The following CLYBL variants were observed in gnomAD, a reference collection of about 807,000 sequenced individuals.
The protein encoded by CLYBL is citramalyl-CoA lyase, also known as citramalyl-CoA lyase, mitochondrial.
A neutral mutation model predicts 38.9 loss-of-function variants in CLYBL; 31 were observed. The observed-to-expected ratio is 0.80, with a 90% CI of 0.60 to 1.08. The LOEUF (loss-of-function observed/expected upper bound fraction) is 1.08, where lower values mean the gene tolerates loss of function less well. CLYBL is among the 50% of genes least tolerant of loss of function. The pLI is 0.00. For missense variants in CLYBL, 434 were observed against 411.6 expected (o/e 1.05, Z -0.47); for synonymous variants, 171 against 158.6 (o/e 1.08, Z -0.59).
intron 1 of CLYBL, among the ~76,000 whole-genome samples, chr13:99,722,574 T>C (rs1329681949): frequency 6.6e-6 from 1 of 152,206 alleles, no homozygotes; most frequent in Non-Finnish European, 1.5e-5. Context: ...GATGAATGAA[T>C]GAGTGAATGA....
chr13:99,757,656 A>C lies in CLYBL; in HGVS notation c.63-15168A>C, dbSNP rs138610023. ...GTATTTTTAGTAGAGTCAGGGTTTC[A>C]CCATGTTGGCCAGGCAGGTCTCAAA... is the stretch of plus-strand genomic sequence containing the variant. On this transcript the variant is annotated intron_variant, in intron 1 of 8. Transcript: ENST00000339105. Among the ~76,000 whole-genome samples the C allele has an allele frequency of 5.3e-3, 813 of 152,154 alleles. 5 individuals are homozygous for C. The highest frequency in any genetic ancestry group is 0.018 in the African/African-American group (761 of 41,514).
At position 99,606,726 on chromosome 13, in the gene CLYBL, C is replaced by CGCGGAGCTGCGGCG. The variant is rs1566586144; in HGVS notation, c.36_49dup (p.Ala17GlufsTer8). The CGCGGAGCTGCGGCG allele has an allele frequency of 2.0e-6, 3 of 1,490,242 alleles. No homozygotes were observed. Among genetic ancestry groups the CGCGGAGCTGCGGCG allele is most frequent in the Non-Finnish European group, 1.8e-6 (2 of 1,126,372 alleles). The allele number at this position is 1,490,242 out of a possible 1,614,324, so 92.3% of individuals were successfully genotyped here. Reference sequence around the variant, plus strand: ...GCTACGTCTGCTGCGGAGGGCGGCGCGCGGAGCTGCGGCGGCGGCGCTGCT... The same window carrying CGCGGAGCTGCGGCG: ...GCTACGTCTGCTGCGGAGGGCGGCGCGCGGAGCTGCGGCGGCGGAGCTGCGGCGGCGGCGCTGCT... On this transcript the variant is annotated frameshift_variant, in exon 1 of 9. Coordinates refer to ENST00000339105, the MANE Select transcript of CLYBL (RefSeq NM_206808.5). LOFTEE classifies it high-confidence loss of function.
At chr13:99,686,980 CTG>C (rs1278287338) in intron 1 of CLYBL, among the ~76,000 whole-genome samples, 1 of 152,168 alleles carries the variant, frequency 6.6e-6, no homozygotes, top group Non-Finnish European at 1.5e-5. Flanking sequence ...CTTTTTATAA[CTG>C]TAACTTCTTA....
chr13:99,615,578 A>G (rs1479522115), intron 1 of CLYBL, among the ~76,000 whole-genome samples: 1 of 152,262 alleles, frequency 6.6e-6, no homozygotes, highest in African/African-American at 2.4e-5. Context: ...TAGGCAATAA[A>G]TAAGAAATCA....
chr13:99,709,693 G>A (rs574372844), intron 1 of CLYBL, among the ~76,000 whole-genome samples: 1 of 152,216 alleles, frequency 6.6e-6, no homozygotes, highest in South Asian at 2.1e-4. Flanking sequence ...CTTTGAAAGA[G>A]TGTAACCCCT....
rs3783185 is a variant in CLYBL, at chr13:99,866,326, A to G, written c.721A>G (p.Ile241Val). 0.72 allele frequency: 1,169,846 copies of G among 1,613,754 alleles called. 426,831 individuals carry two copies. The highest frequency in any genetic ancestry group is 0.89 in the East Asian group (39,750 of 44,862). The change falls in exon 6 of 9, where the codon ATA becomes GTA. Residue 241 changes from isoleucine (I) to valine (V), a missense_variant. Physicochemically the swap from Ile to Val is conservative, Grantham distance 29. Transcript: ENST00000339105. The stretch of plus-strand genomic sequence containing the variant: ...AGCGAAAGCCTTTGGTCTCCAAGCC[A>G]TAGATCTGGTGTACATTGACTTTCG... ...VIAKAFGLQAIDLVYIDFRDG... is the reference protein window; with the variant it reads ...VIAKAFGLQAVDLVYIDFRDG...
At chr13:99,905,107 A>G (rs2052683036) in intron 8 of CLYBL, among the ~76,000 whole-genome samples, 1 of 152,136 alleles carries the variant, frequency 6.6e-6, no homozygotes, top group South Asian at 2.1e-4. Context: ...GTCCTAGGCC[A>G]TTCTCTCCAG....
intron 7 of CLYBL, 76 bp downstream of exon 7, chr13:99,871,138 G>GTGAA (rs769331810): frequency 1.9e-5 from 29 of 1,512,990 alleles, no homozygotes; most frequent in Non-Finnish European, 2.7e-5. Flanking sequence ...AATATGTTGT[G>GTGAA]TGAATGGTTT....
chr13:99,697,863 G>A (rs137936867), intron 1 of CLYBL, among the ~76,000 whole-genome samples: 3 of 151,958 alleles, frequency 2.0e-5, no homozygotes, highest in African/African-American at 7.2e-5. Flanking sequence ...GGCCAGGCTG[G>A]TCTCGAACTC....
intron 1 of CLYBL, among the ~76,000 whole-genome samples, chr13:99,708,662 G>A (rs1429680232): frequency 6.6e-6 from 1 of 152,204 alleles, no homozygotes; most frequent in African/African-American, 2.4e-5. Context: ...CACACAGTAA[G>A]AGCCCAGTAA....
rs139384025 is a variant in CLYBL, at chr13:99,637,341, G to A, written c.62+30584G>A. ...TCCATGAAAACCCATCTCTGGAGGTGTATCAATCAGTGTTATCACTGCCCT... is the reference window on the plus strand; with the variant it reads ...TCCATGAAAACCCATCTCTGGAGGTATATCAATCAGTGTTATCACTGCCCT... On this transcript the variant is annotated intron_variant, in intron 1 of 8. Transcript: ENST00000339105. 6.6e-5 allele frequency among the ~76,000 whole-genome samples: 10 copies of A among 152,328 alleles called. No homozygotes were observed. The East Asian group carries it at 1.9e-3, about 29-fold the overall frequency.
At chr13:99,760,838 C>T (rs1171235927) in intron 1 of CLYBL, among the ~76,000 whole-genome samples, 1 of 152,200 alleles carries the variant, frequency 6.6e-6, no homozygotes, top group African/African-American at 2.4e-5. Context: ...ATATCTGTCA[C>T]TTTAAATATT....
intron 1 of CLYBL, among the ~76,000 whole-genome samples, chr13:99,709,923 C>CTTTT (rs373484721): frequency 8.6e-4 from 95 of 110,460 alleles, no homozygotes; most frequent in Admixed American, 1.3e-3. Context: ...TTCTTTCTTT[C>CTTTT]TTTTTTTTTT....
At chr13:99,880,069 T>TA (rs376889710) in intron 7 of CLYBL, among the ~76,000 whole-genome samples, 3,835 of 57,228 alleles carry the variant, frequency 0.067, 66 homozygotes, top group African/African-American at 0.21. Context: ...TATATATATA[T>TA]TTTTTTTTTT....
chr13:99,887,016 C>G (rs74113457), intron 7 of CLYBL, among the ~76,000 whole-genome samples: 7,637 of 152,250 alleles, frequency 0.05, 592 homozygotes, highest in African/African-American at 0.17. Context: ...CTTGGGGATG[C>G]CTTACAAGAG....
chr13:99,649,369 A>AGT (rs2139295804), intron 1 of CLYBL, among the ~76,000 whole-genome samples: 1 of 152,320 alleles, frequency 6.6e-6, no homozygotes, highest in East Asian at 1.9e-4. Context: ...CCCATTTTTC[A>AGT]TATACTGGTG....
chr13:99,679,183 A>G (rs923424268), intron 1 of CLYBL, among the ~76,000 whole-genome samples: 2 of 151,790 alleles, frequency 1.3e-5, no homozygotes, highest in Non-Finnish European at 2.9e-5. Flanking sequence ...GGTCCCAGCT[A>G]CTTGGGAGGC....
chr13:99,765,540 C>G (rs1425664092), intron 1 of CLYBL, among the ~76,000 whole-genome samples: 1 of 152,032 alleles, frequency 6.6e-6, no homozygotes, highest in African/African-American at 2.4e-5. Flanking sequence ...TATTGAACCT[C>G]AATAATTCTT....
chr13:99,734,580 C>T (rs1037013816), intron 1 of CLYBL, among the ~76,000 whole-genome samples: 1 of 152,130 alleles, frequency 6.6e-6, no homozygotes, highest in Non-Finnish European at 1.5e-5. Context: ...GGCCCATACA[C>T]GGGGCTGGGA....
Sources: allele counts gnomAD v4.1 joint callset (sites outside exome capture counted in the v4.1 genomes callset), GRCh38; gene constraint gnomAD v4.1.1; transcripts MANE v1.5; gene names NCBI Gene and HGNC (gene_info 2026-07-23, HGNC 2026-07-21).